The following NCAM2 variants were observed in gnomAD, a reference collection of about 807,000 sequenced individuals.
NCAM2 encodes neural cell adhesion molecule 2.
In NCAM2, 30 loss-of-function variants were observed where a neutral mutation model predicts 98.1. The observed-to-expected ratio is 0.31, with a 90% CI of 0.23 to 0.41. The LOEUF (loss-of-function observed/expected upper bound fraction) is 0.41. NCAM2 is among the 10% of genes least tolerant of loss of function. The pLI is 1.00. For synonymous variants in NCAM2, 368 were observed against 342.4 expected (o/e 1.07, Z -0.83); for missense variants, 867 against 1,005.8 (o/e 0.86, Z 1.87).
chr21:21,058,082 TGGGTGAATTGATTATA>T (rs2065249253), intron 1 of NCAM2, among the ~76,000 whole-genome samples: 1 of 143,998 alleles, frequency 6.9e-6, no homozygotes, highest in African/African-American at 2.6e-5. Context: ...CCAGTAACTC[TGGGTGAATTGATTATA>T]TATAATGAAC....
At chr21:21,359,094 C>T (rs565019134) in intron 8 of NCAM2, among the ~76,000 whole-genome samples, 11 of 151,914 alleles carry the variant, frequency 7.2e-5, no homozygotes, top group African/African-American at 1.2e-4. Flanking sequence ...TAGATTTTCA[C>T]GCTGTGTGTG....
chr21:21,310,132 AT>A (rs2073999429), intron 5 of NCAM2, among the ~76,000 whole-genome samples: 1 of 152,166 alleles, frequency 6.6e-6, no homozygotes, highest in Non-Finnish European at 1.5e-5. Flanking sequence ...ACTCAAAGCA[AT>A]TTCAGATAGC....
At chr21:21,213,850 C>T (rs1297586102) in intron 1 of NCAM2, among the ~76,000 whole-genome samples, 1 of 152,164 alleles carries the variant, frequency 6.6e-6, no homozygotes, top group Non-Finnish European at 1.5e-5. Flanking sequence ...TGTAAACATA[C>T]ACATAGTATT....
intron 12 of NCAM2, among the ~76,000 whole-genome samples, chr21:21,460,626 A>C (rs73324896): frequency 6.6e-6 from 1 of 151,898 alleles, no homozygotes; most frequent in South Asian, 2.1e-4. Flanking sequence ...TATAATTTTT[A>C]AAAACATAAA....
In NCAM2 at chr21:21,286,242, GTGATTTGT is replaced by G. The variant is rs2147528981; in HGVS notation, c.338-25_338-18del. 1 of 1,553,550 alleles carries G rather than the reference GTGATTTGT, an allele frequency of 6.4e-7. No individual in the cohort carries two copies. The highest frequency in any genetic ancestry group is 8.7e-7 in the Non-Finnish European group (1 of 1,145,134). ...ATGATACTTTTGTGATTTGTGATTT[GTGATTTGT>G]TTTACTTTGTTGATACAGAAAAACT... is the stretch of plus-strand genomic sequence containing the variant. On this transcript the variant is annotated intron_variant, in intron 3 of 17. Transcript: ENST00000400546.
At chr21:21,412,831 C>T (rs1263802930) in intron 10 of NCAM2, among the ~76,000 whole-genome samples, 2 of 151,594 alleles carry the variant, frequency 1.3e-5, no homozygotes, top group Non-Finnish European at 2.9e-5. Flanking sequence ...GAGAAAGCAA[C>T]AATGAGCATT....
chr21:21,376,215 G>C (rs2076029842), intron 9 of NCAM2, among the ~76,000 whole-genome samples: 1 of 151,680 alleles, frequency 6.6e-6, no homozygotes, highest in Non-Finnish European at 1.5e-5. Flanking sequence ...AGATGCCCTG[G>C]GATTTCTGAA....
intron 1 of NCAM2, among the ~76,000 whole-genome samples, chr21:21,267,713 A>G (rs1267969621): frequency 6.6e-6 from 1 of 152,168 alleles, no homozygotes; most frequent in Non-Finnish European, 1.5e-5. Flanking sequence ...AGTTAAGAGG[A>G]AGAGTTACTA....
chr21:21,305,596 T>A (rs1357583502), intron 5 of NCAM2, among the ~76,000 whole-genome samples: 1 of 3,590 alleles, frequency 2.8e-4, no homozygotes, highest in African/African-American at 3.0e-4. Flanking sequence ...CCTAAATTAC[T>A]GAGTTTTTTT....
chr21:21,421,545 A>G (rs73894683), intron 11 of NCAM2, among the ~76,000 whole-genome samples: 2,594 of 152,292 alleles, frequency 0.017, 73 homozygotes, highest in African/African-American at 0.059. Context: ...GCATTTAAAT[A>G]TCAACATTTA....
chr21:21,330,813 T>C (rs1256847288), intron 6 of NCAM2, among the ~76,000 whole-genome samples: 1 of 152,150 alleles, frequency 6.6e-6, no homozygotes, highest in Non-Finnish European at 1.5e-5. Flanking sequence ...AATGATACCA[T>C]ATAGAACTTT....
intron 1 of NCAM2, among the ~76,000 whole-genome samples, chr21:21,147,637 CAG>C (rs886876935): frequency 2.0e-5 from 3 of 149,612 alleles, no homozygotes; most frequent in African/African-American, 4.9e-5. Flanking sequence ...TAAGTATCAA[CAG>C]ATATATATTT....
chr21:21,196,568 C>A (rs1184678471), intron 1 of NCAM2, among the ~76,000 whole-genome samples: 2 of 152,170 alleles, frequency 1.3e-5, no homozygotes, highest in Non-Finnish European at 2.9e-5. Context: ...AATGTATAGT[C>A]TAGGCCCTAG....
chr21:21,049,887 G>A (rs945204691), intron 1 of NCAM2, among the ~76,000 whole-genome samples: 2 of 150,710 alleles, frequency 1.3e-5, no homozygotes, highest in African/African-American at 4.9e-5. Flanking sequence ...AAAAAAAATT[G>A]TTAATATTAC....
At chr21:21,505,717 A>C (rs1445216169) in intron 15 of NCAM2, among the ~76,000 whole-genome samples, 1 of 152,024 alleles carries the variant, frequency 6.6e-6, no homozygotes, top group Non-Finnish European at 1.5e-5. Flanking sequence ...AACATTAGAT[A>C]ATTTTTAGTT....
chr21:21,330,989 G>T (rs2074660194), intron 6 of NCAM2, among the ~76,000 whole-genome samples: 1 of 152,036 alleles, frequency 6.6e-6, no homozygotes, highest in African/African-American at 2.4e-5. Flanking sequence ...GTTTCAAGGA[G>T]ATGTTTTGTA....
chr21:21,060,800 A>G (rs9976213), intron 1 of NCAM2, among the ~76,000 whole-genome samples: 124,420 of 151,994 alleles, frequency 0.82, 51,216 homozygotes, highest in East Asian at 0.99. Flanking sequence ...GAGCAGGTAC[A>G]GTGGAAGAAG....
At chr21:21,457,747 A>G (rs1982370356) in intron 12 of NCAM2, among the ~76,000 whole-genome samples, 1 of 152,160 alleles carries the variant, frequency 6.6e-6, no homozygotes, top group African/African-American at 2.4e-5. Context: ...TCGCCTGGAA[A>G]TTTCTCAACA....
At chr21:21,229,977 G>C (rs1020014720) in intron 1 of NCAM2, among the ~76,000 whole-genome samples, 2 of 151,242 alleles carry the variant, frequency 1.3e-5, no homozygotes, top group Non-Finnish European at 3.0e-5. Context: ...CACAAGAACT[G>C]TTCTAACAGA....
Sources: gnomAD v4.1 joint callset for allele counts (sites outside exome capture counted in the v4.1 genomes callset) on GRCh38, gnomAD v4.1.1 for gene constraint, MANE v1.5 for transcripts, NCBI Gene and HGNC (gene_info 2026-07-23, HGNC 2026-07-21) for gene names.